Variants in PTGER3 observed in about 807,000 individuals in gnomAD.
The protein encoded by PTGER3 is prostaglandin E2 receptor EP3 subtype.
Under a neutral mutation model 34.7 loss-of-function variants are expected in PTGER3, and 22 were observed. The observed-to-expected ratio is 0.63, with a 90% CI of 0.45 to 0.91. The LOEUF is 0.91. Among genes scored for constraint, PTGER3 ranks in the 40% least tolerant of loss-of-function variants. PTGER3 has a pLI of 0.00. For synonymous variants in PTGER3, 241 were observed against 230.1 expected, an observed-to-expected ratio of 1.05 and a Z score of -0.43; for missense variants, 468 against 519.4, an observed-to-expected ratio of 0.90 and a Z score of 0.96.
chr1:70,907,134 A>G (rs1213200416), intron 4 of PTGER3, among the ~76,000 whole-genome samples: 1 of 152,224 alleles, frequency 6.6e-6, no homozygotes, highest in African/African-American at 2.4e-5. Context: ...AGAAAAGTTC[A>G]AATATTGGTA....
At chr1:70,952,386 G>A (rs1289931398), downstream of PTGER3, 1 of 977,674 alleles carries the variant, frequency 1.0e-6, no homozygotes, top group African/African-American at 1.8e-5. Context: ...CAAGGTTAAT[G>A]TAGGTTTTAT....
At position 70,971,026 on chromosome 1, in the gene PTGER3, A is replaced by G; in HGVS notation, c.*704T>C. 2.0e-6 allele frequency: 2 copies of G among 985,348 alleles called. No individual in the cohort carries two copies. Among genetic ancestry groups the G allele is most frequent in the Non-Finnish European group, 1.2e-6 (1 of 829,904 alleles). 61.0% of individuals were successfully genotyped at this position (985,348 alleles called of 1,614,324 possible). On this transcript the variant is annotated 3_prime_UTR_variant, in exon 4 of 4. Transcript: ENST00000306666. Reference sequence around the variant, plus strand: ...TTCAACCTCAAATTTGTTTTTTATGACACTCCAAGGATGCCCTTAGCTGCA... The same window carrying G: ...TTCAACCTCAAATTTGTTTTTTATGGCACTCCAAGGATGCCCTTAGCTGCA...
At chr1:71,011,306 T>A in intron 2 of PTGER3, 3 of 985,034 alleles carry the variant, frequency 3.0e-6, no homozygotes, top group Non-Finnish European at 3.6e-6. Flanking sequence ...ATGGAAAGTA[T>A]TCATTGAGTC....
chr1:70,859,652 G>A (rs149948919), intron 4 of PTGER3, among the ~76,000 whole-genome samples: 3 of 152,300 alleles, frequency 2.0e-5, no homozygotes, highest in Admixed American at 6.5e-5. Context: ...ATCAGTGAAC[G>A]TATCTGTGTT....
intron 2 of PTGER3, among the ~76,000 whole-genome samples, chr1:70,963,658 C>T (rs1387275462): frequency 6.6e-6 from 1 of 152,168 alleles, no homozygotes; most frequent in Non-Finnish European, 1.5e-5. Flanking sequence ...CCCTGGCCTG[C>T]ACACAGCAGG....
chr1:71,027,413 T>C (rs2100931366), intron 1 of PTGER3, among the ~76,000 whole-genome samples: 1 of 152,308 alleles, frequency 6.6e-6, no homozygotes, highest in East Asian at 1.9e-4. Context: ...TTCTCCTGCT[T>C]TGGCCTCTCA....
chr1:70,927,031 C>A (rs1472344884), intron 4 of PTGER3, among the ~76,000 whole-genome samples: 4 of 152,252 alleles, frequency 2.6e-5, no homozygotes, highest in Admixed American at 6.5e-5. Context: ...GGGATGAAGC[C>A]CACTTGATCG....
intron 1 of PTGER3, among the ~76,000 whole-genome samples, chr1:71,014,149 A>C (rs1231391776): frequency 6.6e-6 from 1 of 151,792 alleles, no homozygotes; most frequent in African/African-American, 2.4e-5. Flanking sequence ...TTTTTTGCTC[A>C]CAGTACATTT....
At chr1:70,901,865 C>T (rs1054816819) in intron 4 of PTGER3, among the ~76,000 whole-genome samples, 11 of 151,970 alleles carry the variant, frequency 7.2e-5, no homozygotes, top group Admixed American at 1.3e-4. Context: ...AAAAAGGATA[C>T]GGGAAAGTAA....
rs139336149 is a variant in PTGER3, at chr1:70,931,442, T to C, written c.*23+22321A>G. ...AGGGACTCTGTGTGGGGGCTCAGAC[T>C]CCACATTTCACTTCTGCACTGCCCT... On this transcript the variant is annotated intron_variant, in intron 4 of 4. Coordinates refer to the PTGER3 transcript ENST00000370931. Among the ~76,000 whole-genome samples, 114 of 152,326 alleles carry C rather than the reference T, an allele frequency of 7.5e-4. 3 individuals carry two copies. The East Asian group carries it at 0.02, about 26-fold the overall frequency.
intron 2 of PTGER3, among the ~76,000 whole-genome samples, chr1:70,997,530 C>T (rs1019835213): frequency 6.6e-6 from 1 of 151,968 alleles, no homozygotes; most frequent in Non-Finnish European, 1.5e-5. Flanking sequence ...TCCAATAATC[C>T]AATTATAATT....
chr1:70,995,349 G>C lies in PTGER3; in HGVS notation c.1077+16956C>G, dbSNP rs545272617. Among the ~76,000 whole-genome samples, 3 of 152,266 alleles carry C rather than the reference G, an allele frequency of 2.0e-5. No individual in the cohort carries two copies. In the East Asian group the frequency reaches 5.8e-4, roughly 29 times the overall value. Reference sequence around the variant, plus strand: ...TACTGAGAGCTTTGAACAAGTTAAAGCTTTTGGGCTTTGTACAGTGGGCAG... The same window carrying C: ...TACTGAGAGCTTTGAACAAGTTAAACCTTTTGGGCTTTGTACAGTGGGCAG... On this transcript the variant is annotated intron_variant, in intron 2 of 3. Transcript: ENST00000306666.
At chr1:70,887,526 T>A (rs947485522) in intron 4 of PTGER3, among the ~76,000 whole-genome samples, 3 of 151,826 alleles carry the variant, frequency 2.0e-5, no homozygotes, top group African/African-American at 7.3e-5. Context: ...GTTTTTGATA[T>A]TTTTTTTATG....
At chr1:71,020,261 C>T (rs1658281910) in intron 1 of PTGER3, among the ~76,000 whole-genome samples, 1 of 132,582 alleles carries the variant, frequency 7.5e-6, no homozygotes, top group Non-Finnish European at 1.8e-5. Context: ...AGCTCATAAA[C>T]ATTAAAAAAA....
At chr1:70,953,619 C>G in intron 3 of PTGER3, 1 of 1,201,780 alleles carries the variant, frequency 8.3e-7, no homozygotes, top group Non-Finnish European at 1.1e-6. Flanking sequence ...ATCTTTGTGA[C>G]TGGGATAGGT....
intron 1 of PTGER3, among the ~76,000 whole-genome samples, chr1:71,042,913 C>A (rs1660441429): frequency 6.6e-6 from 1 of 152,182 alleles, no homozygotes; most frequent in Non-Finnish European, 1.5e-5. Context: ...TTATCCAGTT[C>A]CAAGATTGAT....
intron 2 of PTGER3, chr1:71,009,876 G>A: frequency 5.1e-6 from 5 of 985,130 alleles, no homozygotes; most frequent in Non-Finnish European, 6.0e-6. Context: ...CACCGCTCTA[G>A]TCTCTGTACA....
intron 3 of PTGER3, 136 bp downstream of exon 3, chr1:70,974,161 C>A (rs964852108): frequency 1.4e-5 from 18 of 1,262,348 alleles, no homozygotes; most frequent in South Asian, 1.8e-5. Context: ...AGGAATCTAG[C>A]ACTCTTAATC....
intron 4 of PTGER3, among the ~76,000 whole-genome samples, chr1:70,886,544 T>A (rs1036963160): frequency 4.6e-5 from 7 of 152,220 alleles, no homozygotes; most frequent in African/African-American, 1.7e-4. Context: ...GGTTTCCATC[T>A]AAATGTCATC....
Sources: gnomAD v4.1 joint callset for allele counts (sites outside exome capture counted in the v4.1 genomes callset) on GRCh38, gnomAD v4.1.1 for gene constraint, MANE v1.5 for transcripts, NCBI Gene and HGNC (gene_info 2026-07-23, HGNC 2026-07-21) for gene names.